Variants in KCNQ5 observed in about 807,000 individuals in gnomAD.
KCNQ5 encodes potassium voltage-gated channel subfamily KQT member 5.
A neutral mutation model predicts 98.2 loss-of-function variants in KCNQ5; 30 were observed. The observed-to-expected ratio is 0.31, with a 90% CI of 0.23 to 0.41. The LOEUF (loss-of-function observed/expected upper bound fraction) is 0.41. Among genes scored for constraint, KCNQ5 ranks in the 10% least tolerant of loss-of-function variants. KCNQ5 has a pLI of 1.00. For missense variants in KCNQ5, 835 were observed against 1,182.5 expected (o/e 0.71, Z 4.31); for synonymous variants, 458 against 449.4 (o/e 1.02, Z -0.24).
intron 1 of KCNQ5, among the ~76,000 whole-genome samples, chr6:72,996,372 AT>A (rs1284342324): frequency 2.0e-5 from 3 of 152,162 alleles, no homozygotes; most frequent in Admixed American, 1.3e-4. Flanking sequence ...GTGTTAATAG[AT>A]TTTTCTTGCA....
At chr6:72,642,357 CATGTGCAGG>C (rs1765364390) in intron 1 of KCNQ5, among the ~76,000 whole-genome samples, 1 of 151,786 alleles carries the variant, frequency 6.6e-6, no homozygotes, top group South Asian at 2.1e-4. Flanking sequence ...TTCTGGGGTA[CATGTGCAGG>C]ATGTGCAGGT....
chr6:72,665,680 T>C (rs188197177), intron 1 of KCNQ5, among the ~76,000 whole-genome samples: 22 of 152,262 alleles, frequency 1.4e-4, no homozygotes, highest in African/African-American at 5.1e-4. Context: ...TCATGGATAG[T>C]CTCTGTTTTC....
In KCNQ5 at chr6:72,711,637, G is replaced by A. The variant is rs1690818872; in HGVS notation, c.398+89050G>A. Among the ~76,000 whole-genome samples, 3 of 152,318 alleles carry A rather than the reference G, an allele frequency of 2.0e-5. No homozygotes were observed. The East Asian group carries it at 5.8e-4, about 29-fold the overall frequency. On this transcript the variant is annotated intron_variant, in intron 1 of 13. Coordinates refer to ENST00000370398, the MANE Select transcript of KCNQ5 (RefSeq NM_019842.4). The stretch of plus-strand genomic sequence containing the variant: ...TCTGCATTTTTAAAATCATCTGACT[G>A]TGGAGAATTGGAGTAGGGAAAGTGT...
At chr6:73,063,721 T>TAGATAGATGATAGATA (rs1554203585) in intron 3 of KCNQ5, among the ~76,000 whole-genome samples, 200 of 96,052 alleles carry the variant, frequency 2.1e-3, no homozygotes, top group African/African-American at 3.0e-3. Flanking sequence ...GATAGATAGA[T>TAGATAGATGATAGATA]GATAGATAGA....
At chr6:73,188,787 A>G (rs1765476929) in intron 11 of KCNQ5, among the ~76,000 whole-genome samples, 1 of 152,124 alleles carries the variant, frequency 6.6e-6, no homozygotes, top group African/African-American at 2.4e-5. Flanking sequence ...GTTCGAGACC[A>G]GCCTGGCCAA....
chr6:73,056,392 AC>A (rs1395429481), intron 3 of KCNQ5, among the ~76,000 whole-genome samples: 3 of 136,092 alleles, frequency 2.2e-5, no homozygotes, highest in African/African-American at 9.9e-5. Context: ...TGTTACATTT[AC>A]TTTTATTTAA....
intron 3 of KCNQ5, among the ~76,000 whole-genome samples, chr6:73,050,335 G>A (rs1031020699): frequency 6.7e-6 from 1 of 148,200 alleles, no homozygotes; most frequent in Non-Finnish European, 1.5e-5. Flanking sequence ...AGGAAGGGAG[G>A]GAGGGAAGGA....
intron 1 of KCNQ5, among the ~76,000 whole-genome samples, chr6:72,936,566 G>A (rs1032984275): frequency 1.3e-5 from 2 of 152,114 alleles, no homozygotes; most frequent in Non-Finnish European, 2.9e-5. Context: ...AGGTAGCATA[G>A]AATTAGATGT....
chr6:72,772,838 A>AGCT (rs1487226986), intron 1 of KCNQ5, among the ~76,000 whole-genome samples: 1 of 152,186 alleles, frequency 6.6e-6, no homozygotes, highest in East Asian at 1.9e-4. Flanking sequence ...GTTCAACTAC[A>AGCT]GCTTTCTCCT....
chr6:72,942,749 A>C (rs908542022), intron 1 of KCNQ5, among the ~76,000 whole-genome samples: 1 of 152,202 alleles, frequency 6.6e-6, no homozygotes, highest in Non-Finnish European at 1.5e-5. Context: ...CGGTAGGGGC[A>C]GTGTCTAAAC....
chr6:73,035,103 C>T (rs989740809), intron 2 of KCNQ5, among the ~76,000 whole-genome samples: 4 of 152,032 alleles, frequency 2.6e-5, no homozygotes, highest in South Asian at 2.1e-4. Context: ...CCTCGGCTTC[C>T]GAAAGCGCTG....
chr6:72,827,306 T>C (rs1025434308), intron 1 of KCNQ5, among the ~76,000 whole-genome samples: 10 of 152,112 alleles, frequency 6.6e-5, no homozygotes, highest in Non-Finnish European at 1.0e-4. Context: ...TCCATACTGT[T>C]CTCTAGAGTG....
intron 1 of KCNQ5, among the ~76,000 whole-genome samples, chr6:72,637,427 G>T (rs529031636): frequency 6.6e-6 from 1 of 152,010 alleles, no homozygotes; most frequent in South Asian, 2.1e-4. Context: ...TGCATATTGT[G>T]TTATTGGAAC....
intron 1 of KCNQ5, among the ~76,000 whole-genome samples, chr6:72,684,555 A>T (rs1338948517): frequency 6.6e-6 from 1 of 152,202 alleles, no homozygotes; most frequent in Non-Finnish European, 1.5e-5. Flanking sequence ...CATTGTATAC[A>T]TGTATCAAAA....
intron 1 of KCNQ5, among the ~76,000 whole-genome samples, chr6:72,857,091 G>A (rs765172759): frequency 4.6e-5 from 7 of 152,190 alleles, no homozygotes; most frequent in East Asian, 3.8e-4. Context: ...GCACTCATGC[G>A]GCCATGCAGG....
At position 72,628,742 on chromosome 6, in the gene KCNQ5, T is replaced by C. The variant is rs574751781; in HGVS notation, c.398+6155T>C. Among the ~76,000 whole-genome samples, 6 of 152,252 alleles carry C rather than the reference T, an allele frequency of 3.9e-5. No homozygotes were observed. In the East Asian group the frequency reaches 1.2e-3, roughly 29 times the overall value. ...TTGCTGCCTCAGCCTCCTGAGTAGCTGGGATTACAGACGTGCGCCACCATA... is the reference window on the plus strand; with the variant it reads ...TTGCTGCCTCAGCCTCCTGAGTAGCCGGGATTACAGACGTGCGCCACCATA... On this transcript the variant is annotated intron_variant, in intron 1 of 13. Transcript: ENST00000370398.
intron 1 of KCNQ5, among the ~76,000 whole-genome samples, chr6:72,649,377 G>T (rs1765765417): frequency 6.6e-6 from 1 of 152,104 alleles, no homozygotes; most frequent in African/African-American, 2.4e-5. Context: ...AAGAACCTTA[G>T]TTAGGAAACT....
chr6:72,626,156 A>G (rs1354779541), intron 1 of KCNQ5, among the ~76,000 whole-genome samples: 2 of 152,248 alleles, frequency 1.3e-5, no homozygotes, highest in African/African-American at 4.8e-5. Context: ...CAAGCCTGTG[A>G]ACAAGTGTGA....
intron 12 of KCNQ5, among the ~76,000 whole-genome samples, chr6:73,191,474 A>C (rs1765586249): frequency 6.6e-6 from 1 of 152,226 alleles, no homozygotes; most frequent in African/African-American, 2.4e-5. Context: ...CAAAATATTC[A>C]GTAAATTCAG....
Sources: allele counts gnomAD v4.1 joint callset (sites outside exome capture counted in the v4.1 genomes callset), GRCh38; gene constraint gnomAD v4.1.1; transcripts MANE v1.5; gene names NCBI Gene and HGNC (gene_info 2026-07-23, HGNC 2026-07-21).